PLCH1: variants seen among roughly 807,000 people sequenced by gnomAD.
PLCH1 encodes the protein 1-phosphatidylinositol 4,5-bisphosphate phosphodiesterase eta-1.
A neutral mutation model predicts 126.7 loss-of-function variants in PLCH1; 60 were observed. The ratio of observed to expected loss-of-function variants is 0.47; its 90% confidence interval spans 0.38 to 0.59. The LOEUF is 0.59. Ranked by LOEUF, PLCH1 falls within the 20% of genes least tolerant of loss-of-function variation. PLCH1 has a pLI of 0.00. For synonymous variants in PLCH1, 719 were observed against 734.9 expected (o/e 0.98, Z 0.35); for missense variants, 1,723 against 2,040.0 (o/e 0.84, Z 2.99).
intron 4 of PLCH1, among the ~76,000 whole-genome samples, chr3:155,590,422 C>T (rs1731980524): frequency 6.6e-6 from 1 of 151,932 alleles, no homozygotes; most frequent in Non-Finnish European, 1.5e-5. Context: ...ACTAAAAATA[C>T]AAAAAATTAG....
chr3:155,717,502 A>G (rs907114106), intron 1 of PLCH1, among the ~76,000 whole-genome samples: 1 of 152,246 alleles, frequency 6.6e-6, no homozygotes, highest in African/African-American at 2.4e-5. Flanking sequence ...GGAGGCTACC[A>G]AGCCTCATTC....
chr3:155,514,720 T>C lies in PLCH1; in HGVS notation c.1632+3A>G, dbSNP rs1720070326. 1.3e-6 allele frequency: 2 copies of C among 1,525,602 alleles called. No homozygotes were observed. Among genetic ancestry groups the C allele is most frequent in the Non-Finnish European group, 1.8e-6 (2 of 1,128,516 alleles). The allele number at this position is 1,525,602 out of a possible 1,614,324, so 94.5% of individuals were successfully genotyped here. On this transcript the variant is annotated splice_donor_region_variant and intron_variant, in intron 12 of 22. Transcript: ENST00000460012. Reference sequence around the variant, plus strand: ...AGGATAAGTACAAGAGGGAATCAGATACCTGCTTCAGGTGTGCATTTAAGC... The same window carrying C: ...AGGATAAGTACAAGAGGGAATCAGACACCTGCTTCAGGTGTGCATTTAAGC...
intron 2 of PLCH1, among the ~76,000 whole-genome samples, chr3:155,628,120 G>C (rs1415851418): frequency 2.6e-5 from 4 of 151,898 alleles, no homozygotes; most frequent in Non-Finnish European, 4.4e-5. Context: ...GATAGAACAT[G>C]ATTCTATTTG....
intron 1 of PLCH1, among the ~76,000 whole-genome samples, chr3:155,715,087 A>G (rs1253094119): frequency 6.6e-6 from 1 of 152,058 alleles, no homozygotes; most frequent in Non-Finnish European, 1.5e-5. Flanking sequence ...ATATTTATTC[A>G]TTTTCTCTAA....
intron 11 of PLCH1, among the ~76,000 whole-genome samples, chr3:155,516,685 TGCCTA>T (rs1458143177): frequency 6.6e-6 from 1 of 151,968 alleles, no homozygotes; most frequent in Non-Finnish European, 1.5e-5. Flanking sequence ...AGGTACTAAG[TGCCTA>T]GGCCAATGTG....
chr3:155,710,658 C>T (rs957715849), intron 1 of PLCH1, among the ~76,000 whole-genome samples: 1 of 151,952 alleles, frequency 6.6e-6, no homozygotes, highest in Non-Finnish European at 1.5e-5. Flanking sequence ...CATGGTGAAA[C>T]CCCATCTCTA....
chr3:155,543,568 C>A (rs1050639665), intron 10 of PLCH1, among the ~76,000 whole-genome samples: 3 of 152,188 alleles, frequency 2.0e-5, no homozygotes, highest in African/African-American at 7.2e-5. Context: ...AGAAAAGCAA[C>A]TACAAGACAC....
At chr3:155,727,310 AGATAAAAAATAGATTTCACCAAAAAAG>A (rs1410928382) in intron 1 of PLCH1, among the ~76,000 whole-genome samples, 1 of 151,706 alleles carries the variant, frequency 6.6e-6, no homozygotes, top group African/African-American at 2.4e-5. Flanking sequence ...CTGTAGTCTG[AGATAAAAAATAGATTTCACCAAAAAAG>A]GAAAAAAAAA....
chr3:155,657,418 G>A (rs983585241), intron 2 of PLCH1, among the ~76,000 whole-genome samples: 1 of 152,126 alleles, frequency 6.6e-6, no homozygotes, highest in African/African-American at 2.4e-5. Flanking sequence ...CACAGGACAG[G>A]TTACTGGAGA....
chr3:155,653,748 C>A (rs1302576858), intron 2 of PLCH1, among the ~76,000 whole-genome samples: 2 of 152,092 alleles, frequency 1.3e-5, no homozygotes, highest in Admixed American at 1.3e-4. Flanking sequence ...AGAAAAATTC[C>A]TCATTCCAAC....
intron 4 of PLCH1, among the ~76,000 whole-genome samples, chr3:155,587,266 C>G (rs912609663): frequency 1.3e-5 from 2 of 152,180 alleles, no homozygotes; most frequent in Admixed American, 6.5e-5. Context: ...CTCCTATGCC[C>G]TTTTACCTAC....
chr3:155,521,191 A>G (rs1339072131), intron 11 of PLCH1, among the ~76,000 whole-genome samples: 2 of 152,210 alleles, frequency 1.3e-5, no homozygotes, highest in Non-Finnish European at 2.9e-5. Flanking sequence ...ATGCACACAG[A>G]CACACACACA....
chr3:155,598,850 G>C (rs967948082), intron 2 of PLCH1, among the ~76,000 whole-genome samples: 1 of 152,164 alleles, frequency 6.6e-6, no homozygotes, highest in Admixed American at 6.5e-5. Flanking sequence ...GTAGCTATTT[G>C]TAACAGACTG....
rs1428957879 is a variant in PLCH1 at position 155,564,932 on chromosome 3, C to T, written c.1052G>A (p.Gly351Asp). ...GCACGTACCTTCCACACAGCGACAG[C>T]CCTCTTGCAGCACCCGTGCATACAT... ...VDMYARVLQE[G>D]CRCVEVDCWD... The change falls in exon 8 of 23, where the codon GGC (glycine) becomes GAC (aspartate). Residue 351 changes from glycine to aspartate, a missense_variant. Transcript: ENST00000460012. 2.5e-6 allele frequency: 4 copies of T among 1,613,150 alleles called. No individual in the cohort carries two copies. In the African/African-American group the frequency reaches 4.0e-5, roughly 16 times the overall value.
rs114705534 is a variant in PLCH1, at chr3:155,620,753, A to T, written c.80-24375T>A. 4.6e-3 allele frequency among the ~76,000 whole-genome samples: 707 copies of T among 152,340 alleles called. 2 individuals are homozygous for T. The highest frequency in any genetic ancestry group is 8.5e-3 in the South Asian group (41 of 4,828). On this transcript the variant is annotated intron_variant, in intron 2 of 22. Transcript: ENST00000460012. The stretch of plus-strand genomic sequence containing the variant: ...AGGCCATCTCTGAAAAAAAGGCAGT[A>T]GCCCCAGTCAGGGACTTACAGATAA...
chr3:155,635,338 C>T (rs1374150986), intron 2 of PLCH1, among the ~76,000 whole-genome samples: 4 of 152,136 alleles, frequency 2.6e-5, no homozygotes, highest in African/African-American at 9.7e-5. Context: ...CTGGACATTT[C>T]AGTAAACTTT....
intron 11 of PLCH1, among the ~76,000 whole-genome samples, chr3:155,519,743 TAA>T (rs1219164127): frequency 3.2e-5 from 3 of 93,980 alleles, no homozygotes; most frequent in Non-Finnish European, 4.3e-5. Flanking sequence ...AACTTTGCAT[TAA>T]AAAAAAAAAG....
chr3:155,644,534 C>T (rs76053397), intron 2 of PLCH1, among the ~76,000 whole-genome samples: 1,848 of 152,120 alleles, frequency 0.012, 29 homozygotes, highest in East Asian at 0.065. Context: ...ACCTGGGAGG[C>T]GGAAGTTGCA....
intron 20 of PLCH1, 94 bp from the exon 21 acceptor site, chr3:155,488,201 G>T: frequency 1.4e-6 from 1 of 708,884 alleles, no homozygotes; most frequent in Non-Finnish European, 2.5e-6. Context: ...CTTGACTGTA[G>T]TTCTTTTTTT....
Sources: allele counts gnomAD v4.1 joint callset (sites outside exome capture counted in the v4.1 genomes callset), GRCh38; gene constraint gnomAD v4.1.1; transcripts MANE v1.5; gene names NCBI Gene and HGNC (gene_info 2026-07-23, HGNC 2026-07-21).